MAD1L1: variants seen among roughly 807,000 people sequenced by gnomAD.
MAD1L1 encodes mitotic spindle assembly checkpoint protein MAD1.
MAD1L1 carries 95 observed loss-of-function variants against 96.9 expected under a neutral mutation model. The ratio of observed to expected loss-of-function variants is 0.98; its 90% confidence interval spans 0.83 to 1.16. The LOEUF (loss-of-function observed/expected upper bound fraction) is 1.16, where lower values mean the gene tolerates loss of function less well. MAD1L1 is among the 50% of genes most tolerant of loss of function. The pLI, the probability that MAD1L1 is intolerant of heterozygous loss-of-function variation, is 0.00. For missense variants in MAD1L1, 1,007 were observed against 954.4 expected (o/e 1.06, Z -0.73); for synonymous variants, 473 against 396.6 (o/e 1.19, Z -2.29).
chr7:2,055,741 G>A (rs952755418), intron 12 of MAD1L1, among the ~76,000 whole-genome samples: 2 of 151,786 alleles, frequency 1.3e-5, no homozygotes, highest in African/African-American at 4.8e-5. Context: ...CACTTTGGGA[G>A]GCTGAGGTGG....
intron 11 of MAD1L1, among the ~76,000 whole-genome samples, chr7:2,118,172 C>T (rs573834594): frequency 2.1e-4 from 32 of 152,318 alleles, no homozygotes; most frequent in Non-Finnish European, 4.1e-4. Context: ...CAATGCCGGA[C>T]GCTGTGCTGC....
chr7:2,099,317 C>T (rs966470118), intron 11 of MAD1L1, among the ~76,000 whole-genome samples: 2 of 152,240 alleles, frequency 1.3e-5, no homozygotes, highest in African/African-American at 4.8e-5. Context: ...AGGTCAGGTG[C>T]TCGCTCTGTT....
chr7:2,014,771 T>A, intron 12 of MAD1L1, 129 bp from the exon 13 acceptor site: 1 of 1,078,906 alleles, frequency 9.3e-7, no homozygotes, highest in Non-Finnish European at 1.3e-6. Context: ...AGGCCAGCAC[T>A]CAGAGCCCAC....
chr7:1,936,083 G>A (rs930168090), intron 17 of MAD1L1, among the ~76,000 whole-genome samples: 3 of 152,234 alleles, frequency 2.0e-5, no homozygotes, highest in African/African-American at 7.2e-5. Context: ...TCCCAGCCCT[G>A]CTCCTTCAGG....
chr7:2,129,624 G>T (rs894861832), intron 11 of MAD1L1, among the ~76,000 whole-genome samples: 2 of 152,254 alleles, frequency 1.3e-5, no homozygotes, highest in African/African-American at 4.8e-5. Flanking sequence ...GAGGCTGCCT[G>T]TCTAACAAAG....
At chr7:2,176,760 A>C (rs992211538) in intron 10 of MAD1L1, among the ~76,000 whole-genome samples, 2 of 152,238 alleles carry the variant, frequency 1.3e-5, no homozygotes, top group African/African-American at 4.8e-5. Context: ...GACACTGTCA[A>C]CATAGTAAAC....
chr7:1,825,761 G>C (rs1227510381), intron 18 of MAD1L1, among the ~76,000 whole-genome samples: 1 of 152,186 alleles, frequency 6.6e-6, no homozygotes, highest in Non-Finnish European at 1.5e-5. Flanking sequence ...ATGGCATCAG[G>C]GTCCAGAGGT....
chr7:2,000,170 T>C (rs911233363), intron 14 of MAD1L1, among the ~76,000 whole-genome samples: 2 of 152,100 alleles, frequency 1.3e-5, no homozygotes, highest in Non-Finnish European at 1.5e-5. Flanking sequence ...CCCCATACCA[T>C]GAGCCCACCC....
chr7:2,186,654 G>A (rs1414781645), intron 10 of MAD1L1, among the ~76,000 whole-genome samples: 1 of 152,222 alleles, frequency 6.6e-6, no homozygotes, highest in Non-Finnish European at 1.5e-5. Context: ...ATGTCACAGA[G>A]CTGTAGGATC....
At chr7:2,138,167 G>T (rs774424030) in intron 11 of MAD1L1, among the ~76,000 whole-genome samples, 2 of 152,240 alleles carry the variant, frequency 1.3e-5, no homozygotes, top group Non-Finnish European at 2.9e-5. Context: ...AGGGTTTCAT[G>T]GGGGTGGGAG....
In MAD1L1 at chr7:1,909,409, T is replaced by C. The variant is rs181208661; in HGVS notation, c.1808-11019A>G. Reference sequence around the variant, plus strand: ...TATTTCAGTTTTACATTTTTAAATATTTAATAATTAGGCATCAAATATTGA... The same window carrying C: ...TATTTCAGTTTTACATTTTTAAATACTTAATAATTAGGCATCAAATATTGA... On this transcript the variant is annotated intron_variant, in intron 17 of 18. Transcript: ENST00000265854. Among the ~76,000 whole-genome samples the C allele has an allele frequency of 6.2e-4, 95 of 152,380 alleles. 1 individual carries two copies. The East Asian group carries it at 0.013, about 20-fold the overall frequency.
intron 14 of MAD1L1, among the ~76,000 whole-genome samples, chr7:1,983,476 C>T (rs993895486): frequency 6.6e-6 from 1 of 152,146 alleles, no homozygotes; most frequent in Non-Finnish European, 1.5e-5. Context: ...GGTAACATTT[C>T]CCTAAAACGT....
Position 2,216,242 on chromosome 7 carries a change from C to G in MAD1L1, c.724G>C (p.Val242Leu). Residue 242 changes from valine (V) to leucine (L), a missense_variant, in exon 8 of 19, where the codon GTG (valine) becomes CTG (leucine). Transcript: ENST00000265854. ...LSLQEQDAAI[V>L]KNMKSELVRL... ...ACCAGCTCAGACTTCATGTTCTTCA[C>G]AATCGCTGCATCCTGCTCTTGCAGG... is the stretch of plus-strand genomic sequence containing the variant. 1 of 1,614,198 alleles carries G rather than the reference C, an allele frequency of 6.2e-7. No individual in the cohort carries two copies. The highest frequency in any genetic ancestry group is 8.5e-7 in the Non-Finnish European group (1 of 1,180,052).
intron 18 of MAD1L1, among the ~76,000 whole-genome samples, chr7:1,871,225 T>C (rs1326113401): frequency 1.0e-4 from 13 of 129,278 alleles, no homozygotes; most frequent in Middle Eastern, 0.01. Context: ...CCTGCCACGC[T>C]GAACCCAACA....
rs1372656966 is a variant in MAD1L1, at chr7:2,222,653, G to A, written c.393C>T (p.Asn131=). ...CATCCAAGTTCTGCTGACACTGCCT[G>A]TTGCGCTCCAGCTGCTCCTGCATCT... The part of the protein sequence containing the change: ...EEKMQEQLER[N]RQCQQNLDAA... The change falls in exon 5 of 19, where the codon AAC becomes AAT. Residue 131 remains asparagine (N), a synonymous_variant. Coordinates refer to ENST00000265854, the MANE Select transcript of MAD1L1 (RefSeq NM_001013836.2). 1 of 1,613,194 alleles carries A rather than the reference G, an allele frequency of 6.2e-7. No individual in the cohort carries two copies. Among genetic ancestry groups the A allele is most frequent in the Non-Finnish European group, 8.5e-7 (1 of 1,179,902 alleles).
At position 1,898,333 on chromosome 7, in the gene MAD1L1, A is replaced by G; in HGVS notation, c.1865T>C (p.Phe622Ser). ...GCGGAACTCCTGGATCTTGGTCTGGAAAACCTCCTTGAGCCGCTGGTTCTT... is the reference window on the plus strand; with the variant it reads ...GCGGAACTCCTGGATCTTGGTCTGGGAAACCTCCTTGAGCCGCTGGTTCTT... The part of the protein sequence containing the change: ...ELKNQRLKEV[F>S]QTKIQEFRKA... Residue 622 changes from phenylalanine to serine, a missense_variant, in exon 18 of 19, where the codon TTC (phenylalanine) becomes TCC (serine). Coordinates refer to ENST00000265854, the MANE Select transcript of MAD1L1 (RefSeq NM_001013836.2). 6.2e-7 allele frequency: 1 copy of G among 1,614,080 alleles called. No individual in the cohort carries two copies. Among genetic ancestry groups the G allele is most frequent in the South Asian group, 1.1e-5 (1 of 91,066 alleles).
At chr7:2,069,860 T>C (rs1292937072) in intron 11 of MAD1L1, among the ~76,000 whole-genome samples, 10 of 152,250 alleles carry the variant, frequency 6.6e-5, no homozygotes, top group Non-Finnish European at 2.9e-5. Context: ...GGCCTCTCCC[T>C]GTCCGCCCCT....
At chr7:1,982,146 G>A (rs1174200237) in intron 14 of MAD1L1, among the ~76,000 whole-genome samples, 1 of 151,938 alleles carries the variant, frequency 6.6e-6, no homozygotes, top group East Asian at 1.9e-4. Context: ...AAAATGGTAA[G>A]ATGTCCTACA....
chr7:2,026,627 A>G (rs1783006543), intron 12 of MAD1L1, among the ~76,000 whole-genome samples: 1 of 152,208 alleles, frequency 6.6e-6, no homozygotes, highest in African/African-American at 2.4e-5. Flanking sequence ...AATGCTAGAA[A>G]TCAATAAGAA....
Sources: allele counts gnomAD v4.1 joint callset (sites outside exome capture counted in the v4.1 genomes callset), GRCh38; gene constraint gnomAD v4.1.1; transcripts MANE v1.5; gene names NCBI Gene and HGNC (gene_info 2026-07-23, HGNC 2026-07-21).